The following PINLYP variants were observed in gnomAD, a reference collection of about 807,000 sequenced individuals.
The protein encoded by PINLYP is phospholipase A2 inhibitor and LY6/PLAUR domain containing.
A neutral mutation model predicts 15.8 loss-of-function variants in PINLYP; 12 were observed. That is an observed-to-expected ratio of 0.76 (90% CI 0.49 to 1.23). PINLYP has a LOEUF of 1.23. Ranked by LOEUF, PINLYP falls within the 50% of genes most tolerant of loss-of-function variation. PINLYP has a pLI of 0.00. For synonymous variants in PINLYP, 93 were observed against 97.7 expected (o/e 0.95, Z 0.28); for missense variants, 278 against 264.2 (o/e 1.05, Z -0.36).
Position 43,576,329 on chromosome 19 carries a change from CCA to C in PINLYP, c.-654_-653del, listed in dbSNP as rs139820055. ...CTGCACTCTTCTCTCTGTCCCCTTG[CCA>C]CACACACACACACGCACATATACAT... is the stretch of plus-strand genomic sequence containing the variant. On this transcript the variant is annotated 5_prime_UTR_variant, in exon 1 of 6. It removes the in-frame stop codon of an upstream open reading frame in the 5' UTR. Transcript: ENST00000599207. Among the ~76,000 whole-genome samples the C allele has an allele frequency of 5.3e-5, 8 of 151,284 alleles. No homozygotes were observed. Among genetic ancestry groups the C allele is most frequent in the East Asian group, 3.9e-4 (2 of 5,180 alleles).
At chr19:43,576,964 G>T in intron 1 of PINLYP, 45 bp downstream of exon 1, 1 of 618,722 alleles carries the variant, frequency 1.6e-6, no homozygotes, top group South Asian at 2.6e-5. Flanking sequence ...ATAGAAGAGG[G>T]GGATGGAAGC....
upstream of PINLYP, chr19:43,575,535 G>A (rs3213245): frequency 0.6 from 887,489 of 1,467,464 alleles, 274,986 homozygotes; most frequent in East Asian, 0.89. Context: ...AGTGGGAGGG[G>A]GCGGGGTGCG....
chr19:43,579,068 G>A (rs1972899803), intron 3 of PINLYP: 3 of 291,920 alleles, frequency 1.0e-5, no homozygotes, highest in Non-Finnish European at 2.0e-5. Flanking sequence ...GAAATGGTGG[G>A]GAGTGGATAG....
At chr19:43,576,371 G>A (rs1487455120) in exon 1 of PINLYP, among the ~76,000 whole-genome samples, 1 of 151,332 alleles carries the variant, frequency 6.6e-6, no homozygotes, top group Non-Finnish European at 1.5e-5. Context: ...ACGCGCGCGC[G>A]CACGCGCGAA....
chr19:43,577,224 G>T, exon 2 of PINLYP: 1 of 1,536,044 alleles, frequency 6.5e-7, no homozygotes, highest in Non-Finnish European at 8.7e-7. Context: ...AGACCTTTCT[G>T]CTGGCCTTTG....
intron 3 of PINLYP, 75 bp downstream of exon 3, chr19:43,578,781 G>T (rs1466188387): frequency 8.6e-7 from 1 of 1,161,292 alleles, no homozygotes. Context: ...CCATGCTGAG[G>T]GGGGATCATC....
At chr19:43,577,598 TAA>T (rs111421268) in intron 2 of PINLYP, among the ~76,000 whole-genome samples, 2 of 142,170 alleles carry the variant, frequency 1.4e-5, no homozygotes, top group Admixed American at 7.0e-5. Context: ...AAAATATAAT[TAA>T]AAAAAAAAAA....
chr19:43,582,026 A>C (rs1568523687), exon 6 of PINLYP: 1 of 1,535,544 alleles, frequency 6.5e-7, no homozygotes, highest in African/African-American at 1.4e-5. Context: ...AGAGGAAGAT[A>C]ATGTAGTGTG....
chr19:43,581,514 G>T (rs1411240971), intron 4 of PINLYP, 49 bp from the exon 5 acceptor site: 3 of 1,513,374 alleles, frequency 2.0e-6, no homozygotes, highest in Admixed American at 2.0e-5. Flanking sequence ...GAGGTTGGGG[G>T]AACGGCTTAA....
chr19:43,580,718 A>G, intron 3 of PINLYP: 6 of 978,710 alleles, frequency 6.1e-6, no homozygotes, highest in Non-Finnish European at 6.1e-6. Context: ...ACTAGGGGCT[A>G]TGGCAGCGGG....
chr19:43,581,746 G>A lies in PINLYP; in HGVS notation c.481+43G>A, dbSNP rs573537661. The A allele has an allele frequency of 1.5e-5, 23 of 1,535,502 alleles. No individual in the cohort carries two copies. The East Asian group carries it at 4.6e-4, about 31-fold the overall frequency. ...CTCTGGAAAAGGAAACAGAACTAGA[G>A]GTCCAAACTTCTAGGTTCGATGGGA... On this transcript the variant is annotated intron_variant, in intron 5 of 5. Transcript: ENST00000599207.
chr19:43,576,608 C>T (rs1972867735), exon 1 of PINLYP, among the ~76,000 whole-genome samples: 1 of 152,172 alleles, frequency 6.6e-6, no homozygotes, highest in Non-Finnish European at 1.5e-5. Flanking sequence ...TCTGTTCATT[C>T]GGTGCCTTGG....
intron 2 of PINLYP, among the ~76,000 whole-genome samples, chr19:43,577,598 T>TA (rs111421268): frequency 0.37 from 51,925 of 142,046 alleles, 9,471 homozygotes; most frequent in South Asian, 0.45. Context: ...AAAATATAAT[T>TA]AAAAAAAAAA....
intron 3 of PINLYP, 119 bp from the exon 4 acceptor site, chr19:43,581,091 AAG>A: frequency 8.9e-7 from 1 of 1,129,168 alleles, no homozygotes; most frequent in Non-Finnish European, 1.2e-6. Flanking sequence ...AAAAAAAAGA[AAG>A]AGACCATCCC....
chr19:43,578,466 G>GC, intron 2 of PINLYP, 124 bp from the exon 3 acceptor site: 1 of 610,910 alleles, frequency 1.6e-6, no homozygotes, highest in Middle Eastern at 4.7e-4. Flanking sequence ...TCAACATCCC[G>GC]CCCATGAAAA....
intron 3 of PINLYP, among the ~76,000 whole-genome samples, chr19:43,579,558 CG>C (rs1276169920): frequency 6.7e-6 from 1 of 149,900 alleles, no homozygotes; most frequent in Non-Finnish European, 1.5e-5. Flanking sequence ...AGCAAATCAT[CG>C]TAAAGAGGAG....
chr19:43,579,552 A>G (rs1411528955), intron 3 of PINLYP, among the ~76,000 whole-genome samples: 2 of 150,774 alleles, frequency 1.3e-5, no homozygotes, highest in Non-Finnish European at 3.0e-5. Flanking sequence ...TGGCTGAGCA[A>G]ATCATCGTAA....
At chr19:43,576,843 C>T in exon 1 of PINLYP, 1 of 273,410 alleles carries the variant, frequency 3.7e-6, no homozygotes, top group Non-Finnish European at 7.0e-6. Context: ...CCAGTTCTTG[C>T]AGCCACTGGG....
exon 2 of PINLYP, chr19:43,577,239 G>C (rs749702078): frequency 6.5e-7 from 1 of 1,536,030 alleles, no homozygotes; most frequent in Non-Finnish European, 8.7e-7. Flanking sequence ...CCTTTGTGTT[G>C]CTCTGCACCC....
Sources: gnomAD v4.1 joint callset for allele counts (sites outside exome capture counted in the v4.1 genomes callset) on GRCh38, gnomAD v4.1.1 for gene constraint, MANE v1.5 for transcripts, NCBI Gene and HGNC (gene_info 2026-07-23, HGNC 2026-07-21) for gene names.